Variants in UCHL3 observed in about 807,000 individuals in gnomAD.
UCHL3 encodes ubiquitin carboxyl-terminal hydrolase isozyme L3.
In UCHL3, 22 loss-of-function variants were observed where a neutral mutation model predicts 35.8. The observed-to-expected ratio is 0.61, with a 90% CI of 0.44 to 0.88. UCHL3 has a LOEUF of 0.88. Among genes scored for constraint, UCHL3 ranks in the 40% least tolerant of loss-of-function variants. UCHL3 has a pLI of 0.00. For synonymous variants in UCHL3, 90 were observed against 92.8 expected, an observed-to-expected ratio of 0.97 and a Z score of 0.17; for missense variants, 229 against 276.9, an observed-to-expected ratio of 0.83 and a Z score of 1.23.
chr13:75,589,837 A>G, intron 6 of UCHL3: 1 of 921,210 alleles, frequency 1.1e-6, no homozygotes, highest in East Asian at 6.3e-5. Context: ...TAAAAATAGT[A>G]GACCATATGA....
At chr13:75,593,926 T>TTACTGAAAGGATA (rs1262018560) in intron 6 of UCHL3, among the ~76,000 whole-genome samples, 1 of 152,214 alleles carries the variant, frequency 6.6e-6, no homozygotes, top group East Asian at 1.9e-4. Flanking sequence ...ATACTATCTG[T>TTACTGAAAGGATA]TACTGAAAGG....
rs565472140 is a variant in UCHL3, at chr13:75,562,049, A to G, written c.183+1168A>G. Among the ~76,000 whole-genome samples the G allele has an allele frequency of 2.6e-5, 4 of 152,172 alleles. No homozygotes were observed. In the South Asian group the frequency reaches 6.2e-4, roughly 24 times the overall value. ...GAAAAATGAAGAAGTAAATGGGAAG[A>G]TGTGAGAGAAATATGTTGATGATTT... On this transcript the variant is annotated intron_variant, in intron 3 of 8. Coordinates refer to ENST00000377595, the MANE Select transcript of UCHL3 (RefSeq NM_006002.5).
At chr13:75,592,095 T>C (rs2032492010) in intron 6 of UCHL3, among the ~76,000 whole-genome samples, 1 of 152,012 alleles carries the variant, frequency 6.6e-6, no homozygotes, top group Non-Finnish European at 1.5e-5. Context: ...TATTAAGTGC[T>C]ATACAATTAT....
intron 2 of UCHL3, among the ~76,000 whole-genome samples, chr13:75,558,367 C>T (rs1415913540): frequency 6.6e-6 from 1 of 152,136 alleles, no homozygotes; most frequent in Non-Finnish European, 1.5e-5. Flanking sequence ...TTGCAGTGAA[C>T]TGATTTACAG....
At chr13:75,559,224 T>A (rs927617846) in intron 2 of UCHL3, among the ~76,000 whole-genome samples, 6 of 151,862 alleles carry the variant, frequency 4.0e-5, no homozygotes, top group Non-Finnish European at 8.8e-5. Context: ...GTATTTTTAG[T>A]AGAGACGGGG....
chr13:75,602,975 T>C (rs371068485), intron 7 of UCHL3, among the ~76,000 whole-genome samples: 1 of 152,086 alleles, frequency 6.6e-6, no homozygotes, highest in East Asian at 1.9e-4. Flanking sequence ...ATTTTTTGTT[T>C]TTATTTTATT....
At chr13:75,550,032 C>G in intron 2 of UCHL3, 45 bp downstream of exon 2, 1 of 1,614,052 alleles carries the variant, frequency 6.2e-7, no homozygotes, top group South Asian at 1.1e-5. Context: ...TCTTTTCTGT[C>G]TGCTCGGTCC....
chr13:75,603,918 A>C (rs962085125), intron 7 of UCHL3, among the ~76,000 whole-genome samples: 3 of 152,136 alleles, frequency 2.0e-5, no homozygotes, highest in Non-Finnish European at 4.4e-5. Context: ...AGGAATCACA[A>C]ATTCTGATGA....
chr13:75,549,595 A>AT (rs112313138), upstream of UCHL3: 8 of 464,960 alleles, frequency 1.7e-5, no homozygotes, highest in Middle Eastern at 5.5e-4. Context: ...AAATTGGCTT[A>AT]TTTTTTTCTC....
chr13:75,599,743 C>G (rs1218042915), intron 7 of UCHL3, among the ~76,000 whole-genome samples: 1 of 152,132 alleles, frequency 6.6e-6, no homozygotes, highest in Non-Finnish European at 1.5e-5. Context: ...CTTCTCTATT[C>G]CCTGAGACAC....
Position 75,592,448 on chromosome 13 carries a change from A to ATACATATATATATATATGTATATATGTG in UCHL3, c.475-2465_475-2464insCATATATATATATATGTATATATGTGTA, listed in dbSNP as rs1566228123. On this transcript the variant is annotated intron_variant, in intron 6 of 8. Transcript: ENST00000377595. ...TATATATATATATATATATATATATATATATATATATATATATATGAAGGA... is the reference window on the plus strand; with the variant it reads ...TATATATATATATATATATATATATATACATATATATATATATGTATATATGTGTATATATATATATATATATGAAGGA... 8.6e-4 allele frequency among the ~76,000 whole-genome samples: 100 copies of ATACATATATATATATATGTATATATGTG among 116,636 alleles called. 1 individual carries two copies. Among genetic ancestry groups the ATACATATATATATATATGTATATATGTG allele is most frequent in the Non-Finnish European group, 1.3e-3 (74 of 56,194 alleles). The allele number at this position is 116,636 out of a possible 152,430, so 76.5% of individuals were successfully genotyped here.
At chr13:75,597,885 C>T (rs2032685320) in intron 7 of UCHL3, among the ~76,000 whole-genome samples, 1 of 152,086 alleles carries the variant, frequency 6.6e-6, no homozygotes, top group African/African-American at 2.4e-5. Flanking sequence ...TAAGGTTAAC[C>T]AATGAAAAGG....
intron 3 of UCHL3, among the ~76,000 whole-genome samples, chr13:75,565,124 A>G (rs1050099023): frequency 2.6e-5 from 4 of 151,434 alleles, no homozygotes; most frequent in African/African-American, 9.7e-5. Flanking sequence ...TAATTTTTTG[A>G]TCTACCATAA....
rs2031786886 is a variant in UCHL3, at chr13:75,569,482, C to A, written c.449C>A (p.Thr150Asn). The change falls in exon 6 of 9, where the codon ACC becomes AAC. Residue 150 changes from threonine to asparagine, a missense_variant. By Grantham distance (65) the Thr-to-Asn change is moderately conservative. Coordinates refer to ENST00000377595, the MANE Select transcript of UCHL3 (RefSeq NM_006002.5). The stretch of plus-strand genomic sequence containing the variant: ...CAGGCCATCCGAGTTACTCATGAGA[C>A]CAGTGCCCATGAAGGTCAGACTGAG... The part of the protein sequence containing the change: ...NYDAIRVTHE[T>N]SAHEGQTEAP... 1 of 1,610,338 alleles carries A rather than the reference C, an allele frequency of 6.2e-7. No individual in the cohort carries two copies. The highest frequency in any genetic ancestry group is 1.7e-5 in the Admixed American group (1 of 59,464).
At chr13:75,603,638 G>T (rs994730786) in intron 7 of UCHL3, among the ~76,000 whole-genome samples, 1 of 151,814 alleles carries the variant, frequency 6.6e-6, no homozygotes, top group Non-Finnish European at 1.5e-5. Context: ...TATAAACATA[G>T]AATAGTCTAT....
intron 3 of UCHL3, among the ~76,000 whole-genome samples, chr13:75,562,005 G>A (rs141319054): frequency 0.014 from 2,094 of 152,046 alleles, 67 homozygotes; most frequent in African/African-American, 0.048. Context: ...AGAAACAGTA[G>A]GATGATTGCA....
chr13:75,600,615 G>A lies in UCHL3; in HGVS notation c.551-4154G>A, dbSNP rs563304058. ...AATCTCTTAAGCCCTCTGTTGAGAC[G>A]TACTGCTCAGAAAAAGATTCCTTTG... On this transcript the variant is annotated intron_variant, in intron 7 of 8. Coordinates refer to ENST00000377595, the MANE Select transcript of UCHL3 (RefSeq NM_006002.5). Among the ~76,000 whole-genome samples the A allele has an allele frequency of 6.2e-4, 94 of 152,240 alleles. 4 individuals are homozygous for A. The South Asian group carries it at 0.019, about 30-fold the overall frequency.
chr13:75,556,541 A>C (rs563367963), intron 2 of UCHL3, among the ~76,000 whole-genome samples: 1 of 152,346 alleles, frequency 6.6e-6, no homozygotes, highest in Admixed American at 6.5e-5. Flanking sequence ...ATTTGAAAGG[A>C]AAGTGAATTT....
chr13:75,550,956 A>G (rs1351899689), intron 2 of UCHL3, among the ~76,000 whole-genome samples: 1 of 152,196 alleles, frequency 6.6e-6, no homozygotes, highest in Non-Finnish European at 1.5e-5. Context: ...ACCATTAAAT[A>G]TGTTAGCTTT....
Sources: gnomAD v4.1 joint callset for allele counts (sites outside exome capture counted in the v4.1 genomes callset) on GRCh38, gnomAD v4.1.1 for gene constraint, MANE v1.5 for transcripts, NCBI Gene and HGNC (gene_info 2026-07-23, HGNC 2026-07-21) for gene names.